The following DAB1 variants were observed in gnomAD, a reference collection of about 807,000 sequenced individuals.
DAB1 encodes DAB adaptor protein 1.
DAB1 carries 15 observed loss-of-function variants against 64.6 expected under a neutral mutation model. That is an observed-to-expected ratio of 0.23 (90% CI 0.16 to 0.36). The LOEUF (loss-of-function observed/expected upper bound fraction) is 0.36. Among genes scored for constraint, DAB1 ranks in the 10% least tolerant of loss-of-function variants. The probability of loss-of-function intolerance (pLI) is 1.00; values close to 1 mark genes in which losing one functional copy is unlikely to be tolerated. For synonymous variants in DAB1, 235 were observed against 251.9 expected, an observed-to-expected ratio of 0.93 and a Z score of 0.64; for missense variants, 596 against 706.7, an observed-to-expected ratio of 0.84 and a Z score of 1.78.
At chr1:57,889,115 A>G (rs1265749718) in intron 5 of DAB1, among the ~76,000 whole-genome samples, 2 of 152,066 alleles carry the variant, frequency 1.3e-5, no homozygotes, top group Non-Finnish European at 2.9e-5. Context: ...TGAGTTTCCT[A>G]CTTTTCTAGG....
chr1:57,136,722 C>T lies in DAB1; in HGVS notation c.208-81G>A, dbSNP rs961198250. 1.2e-5 allele frequency: 10 copies of T among 818,006 alleles called. No individual in the cohort carries two copies. The African/African-American group carries it at 1.7e-4, about 14-fold the overall frequency. The allele number at this position is 818,006 out of a possible 1,614,324, so 50.7% of individuals were successfully genotyped here. ...CTGGTCCCAAAGGTATGTCCGATACCATCAACCAATGCCACCAATCATGCA... is the reference window on the plus strand; with the variant it reads ...CTGGTCCCAAAGGTATGTCCGATACTATCAACCAATGCCACCAATCATGCA... On this transcript the variant is annotated intron_variant, in intron 3 of 14. Transcript: ENST00000371236.
chr1:56,999,334 A>T lies in DAB1; in HGVS notation c.*16-1206T>A, dbSNP rs985394311. Among the ~76,000 whole-genome samples the T allele has an allele frequency of 3.9e-5, 6 of 152,194 alleles. 1 individual carries two copies. Among genetic ancestry groups the T allele is most frequent in the South Asian group, 4.1e-4 (2 of 4,824 alleles). On this transcript the variant is annotated intron_variant, in intron 14 of 14. Transcript: ENST00000371236. ...GGTCACACAGCTAGTAAGTCTAGAGACATGAGAACTGAAAACAGGGTCCAG... is the reference window on the plus strand; with the variant it reads ...GGTCACACAGCTAGTAAGTCTAGAGTCATGAGAACTGAAAACAGGGTCCAG...
chr1:57,578,052 C>A (rs1435470859), intron 7 of DAB1, among the ~76,000 whole-genome samples: 1 of 152,192 alleles, frequency 6.6e-6, no homozygotes, highest in African/African-American at 2.4e-5. Flanking sequence ...AGGTGCCTGT[C>A]AGTGAGTGGA....
At chr1:58,397,390 A>T (rs1193563599) in intron 3 of DAB1, among the ~76,000 whole-genome samples, 1 of 152,250 alleles carries the variant, frequency 6.6e-6, no homozygotes, top group Non-Finnish European at 1.5e-5. Flanking sequence ...CCCTGGGACC[A>T]GAACAGGCTT....
At chr1:57,811,146 G>T (rs1651599158) in intron 6 of DAB1, among the ~76,000 whole-genome samples, 1 of 152,184 alleles carries the variant, frequency 6.6e-6, no homozygotes, top group African/African-American at 2.4e-5. Flanking sequence ...CCTATTGTAA[G>T]ATCCTTAACT....
In DAB1 at chr1:57,955,826, C is replaced by T. The variant is rs527978079; in HGVS notation, n.388-71664G>A. 3.3e-5 allele frequency among the ~76,000 whole-genome samples: 5 copies of T among 152,144 alleles called. No individual in the cohort carries two copies. In the East Asian group the frequency reaches 9.7e-4, roughly 29 times the overall value. On this transcript the variant is annotated intron_variant and non_coding_transcript_variant, in intron 5 of 20. Coordinates refer to the DAB1 transcript ENST00000485760. Reference sequence around the variant, plus strand: ...AAAATGAGCTAGAAAAACAAATGCACCAAGGTGAAAAGGAAAAACACAAAT... The same window carrying T: ...AAAATGAGCTAGAAAAACAAATGCATCAAGGTGAAAAGGAAAAACACAAAT...
intron 1 of DAB1, among the ~76,000 whole-genome samples, chr1:57,347,651 G>C (rs1313122981): frequency 1.3e-5 from 2 of 152,122 alleles, no homozygotes; most frequent in Non-Finnish European, 2.9e-5. Context: ...TTCATTCCTA[G>C]AGATGTTTTG....
At chr1:57,687,623 A>G (rs1646716689) in intron 6 of DAB1, among the ~76,000 whole-genome samples, 1 of 150,472 alleles carries the variant, frequency 6.6e-6, no homozygotes, top group Non-Finnish European at 1.5e-5. Flanking sequence ...AAAAAAAGAA[A>G]AAAAGAACAA....
chr1:57,529,391 A>C (rs1644634765), intron 7 of DAB1, among the ~76,000 whole-genome samples: 1 of 152,140 alleles, frequency 6.6e-6, no homozygotes, highest in South Asian at 2.1e-4. Flanking sequence ...TCTTAATTAC[A>C]TTAAATGTAA....
At chr1:57,447,452 G>C (rs1323349322) in intron 7 of DAB1, among the ~76,000 whole-genome samples, 1 of 152,174 alleles carries the variant, frequency 6.6e-6, no homozygotes, top group Non-Finnish European at 1.5e-5. Flanking sequence ...GCCCACATGA[G>C]ATAGAAACAT....
intron 5 of DAB1, among the ~76,000 whole-genome samples, chr1:58,096,240 C>T (rs1385714709): frequency 6.6e-6 from 1 of 152,210 alleles, no homozygotes; most frequent in Non-Finnish European, 1.5e-5. Context: ...GGTGTCTCTG[C>T]CTCTGGCAGT....
intron 7 of DAB1, among the ~76,000 whole-genome samples, chr1:57,627,034 T>A (rs1558553742): frequency 6.6e-6 from 1 of 152,120 alleles, no homozygotes; most frequent in Non-Finnish European, 1.5e-5. Context: ...TTTAAATCAG[T>A]GAATTTAATA....
At chr1:58,387,722 C>CT (rs35563837) in intron 3 of DAB1, among the ~76,000 whole-genome samples, 895 of 65,500 alleles carry the variant, frequency 0.014, 15 homozygotes, top group Non-Finnish European at 0.02. Context: ...CTTTTCTTTT[C>CT]TTTTTTTTTT....
intron 2 of DAB1, among the ~76,000 whole-genome samples, chr1:57,183,929 A>C (rs1663250950): frequency 6.6e-6 from 1 of 152,214 alleles, no homozygotes; most frequent in African/African-American, 2.4e-5. Context: ...AGCTCAAGCC[A>C]GAAAAGGACA....
At chr1:57,439,430 T>TGTTTTTTTTTGTTTTTTGTTTTTTG (rs1558381471) in intron 7 of DAB1, among the ~76,000 whole-genome samples, 1 of 129,464 alleles carries the variant, frequency 7.7e-6, no homozygotes, top group East Asian at 2.5e-4. Flanking sequence ...TTTTTCTTTT[T>TGTTTTTTTTTGTTTTTTGTTTTTTG]TTTTTTTTTT....
chr1:58,402,848 G>A (rs1435635454), intron 3 of DAB1, among the ~76,000 whole-genome samples: 1 of 152,174 alleles, frequency 6.6e-6, no homozygotes, highest in Admixed American at 6.5e-5. Context: ...AATTATGGTT[G>A]CCATAAGTCA....
chr1:58,486,503 A>C (rs1645577836), intron 3 of DAB1, among the ~76,000 whole-genome samples: 1 of 152,140 alleles, frequency 6.6e-6, no homozygotes, highest in African/African-American at 2.4e-5. Context: ...ACCCACTATT[A>C]TATTGCTTAT....
intron 7 of DAB1, among the ~76,000 whole-genome samples, chr1:57,538,966 G>C (rs1428215585): frequency 1.3e-5 from 2 of 152,192 alleles, no homozygotes; most frequent in Non-Finnish European, 1.5e-5. Flanking sequence ...AAAATGCTAA[G>C]AACTTGCTTC....
chr1:57,596,894 T>C (rs2101579190), intron 7 of DAB1, among the ~76,000 whole-genome samples: 1 of 152,324 alleles, frequency 6.6e-6, no homozygotes, highest in Non-Finnish European at 1.5e-5. Context: ...GCCTTCCTTG[T>C]AGGTGTGCCC....
Sources: allele counts gnomAD v4.1 joint callset (sites outside exome capture counted in the v4.1 genomes callset), GRCh38; gene constraint gnomAD v4.1.1; transcripts MANE v1.5; gene names NCBI Gene and HGNC (gene_info 2026-07-23, HGNC 2026-07-21).